The following KLHL35 variants were observed in gnomAD, a reference collection of about 807,000 sequenced individuals.
KLHL35 encodes the protein kelch-like protein 35.
KLHL35 carries 50 observed loss-of-function variants against 44.0 expected under a neutral mutation model. The observed-to-expected ratio is 1.14, with a 90% CI of 0.91 to 1.44. The LOEUF (loss-of-function observed/expected upper bound fraction) is 1.44. KLHL35 is among the 40% of genes most tolerant of loss of function. The probability of loss-of-function intolerance (pLI) is 0.00; values close to 1 mark genes in which losing one functional copy is unlikely to be tolerated. For synonymous variants in KLHL35, 470 were observed against 410.4 expected (o/e 1.15, Z -1.76); for missense variants, 1,049 against 887.8 (o/e 1.18, Z -2.31).
At position 75,429,746 on chromosome 11, in the gene KLHL35, T is replaced by G; in HGVS notation, c.881+3A>C. 1 of 1,455,468 alleles carries G rather than the reference T, an allele frequency of 6.9e-7. No individual in the cohort carries two copies. The highest frequency in any genetic ancestry group is 9.0e-7 in the Non-Finnish European group (1 of 1,111,270). The allele number at this position is 1,455,468 out of a possible 1,614,324, so 90.2% of individuals were successfully genotyped here. ...GCGGGAAGCTAGGGGATGGCGGCCCTACCTCCGCGGCCGGGTCCGCAGCGC... is the reference window on the plus strand; with the variant it reads ...GCGGGAAGCTAGGGGATGGCGGCCCGACCTCCGCGGCCGGGTCCGCAGCGC... On this transcript the variant is annotated splice_donor_region_variant and intron_variant, in intron 2 of 6. Transcript: ENST00000539798.
chr11:75,427,995 G>A (rs928696678), intron 3 of KLHL35, among the ~76,000 whole-genome samples: 6 of 152,184 alleles, frequency 3.9e-5, no homozygotes, highest in African/African-American at 1.4e-4. Context: ...TTGAGCCTTA[G>A]GGAGGACACA....
In KLHL35 at chr11:75,422,638, A is replaced by C; in HGVS notation, c.1694T>G (p.Leu565Arg). The C allele has an allele frequency of 6.2e-7, 1 of 1,614,010 alleles. No individual in the cohort carries two copies. The highest frequency in any genetic ancestry group is 2.2e-5 in the East Asian group (1 of 44,882). Residue 565 changes from leucine to arginine, a missense_variant, in exon 7 of 7, where the codon CTG (leucine) becomes CGG (arginine). Coordinates refer to ENST00000539798, the MANE Select transcript of KLHL35 (RefSeq NM_001039548.3). ...SSGQVEVQPS[L>R]QRCTSSHGCV... is the part of the protein sequence containing the mutation. ...GCCGTGGGAGCTGGTGCAGCGCTGCAGGGATGGCTGGACCTCCACCTGCCC... is the reference window on the plus strand; with the variant it reads ...GCCGTGGGAGCTGGTGCAGCGCTGCCGGGATGGCTGGACCTCCACCTGCCC...
At position 75,422,425 on chromosome 11, in the gene KLHL35, G is replaced by A. The variant is rs537502003; in HGVS notation, c.*155C>T. 2.1e-4 allele frequency: 141 copies of A among 666,936 alleles called. No homozygotes were observed. The African/African-American group carries it at 2.4e-3, about 11-fold the overall frequency. The allele number at this position is 666,936 out of a possible 1,614,324, so 41.3% of individuals were successfully genotyped here. A position where few individuals can be genotyped will look rare whatever the true frequency, so the allele number is the denominator to read the frequency against. On this transcript the variant is annotated 3_prime_UTR_variant, in exon 7 of 7. Coordinates refer to ENST00000539798, the MANE Select transcript of KLHL35 (RefSeq NM_001039548.3). ...ATTCCATCTCCAGGCAGGGCAGACT[G>A]CAGCTGGAACACAGACCCAACAAGA...
intron 6 of KLHL35, chr11:75,423,481 C>T (rs1045670546): frequency 3.5e-6 from 2 of 573,852 alleles, no homozygotes; most frequent in Admixed American, 6.2e-5. Context: ...TCTGCCTTAA[C>T]AGGGCCTAGT....
In KLHL35 at chr11:75,430,069, G is replaced by A. The variant is rs1334000887; in HGVS notation, c.561C>T (p.Arg187=). The A allele has an allele frequency of 4.3e-6, 6 of 1,393,010 alleles. No homozygotes were observed. The highest frequency in any genetic ancestry group is 6.1e-5 in the Admixed American group (2 of 32,666). The allele number at this position is 1,393,010 out of a possible 1,614,324, so 86.3% of individuals were successfully genotyped here. A position where few individuals can be genotyped will look rare whatever the true frequency, so the allele number is the denominator to read the frequency against. ...VLRQAFAEVA[R]HADFLELAPD... ...GCGCCAGCTCCAGGAAGTCGGCGTG[G>A]CGCGCCACCTCGGCGAAGGCCTGAC... Residue 187 remains arginine, a synonymous_variant, in exon 2 of 7, where the codon CGC becomes CGT. Coordinates refer to ENST00000539798, the MANE Select transcript of KLHL35 (RefSeq NM_001039548.3).
In KLHL35 at chr11:75,430,032, C is replaced by G. The variant is rs1329051115; in HGVS notation, c.598G>C (p.Val200Leu). The change falls in exon 2 of 7, where the codon GTG becomes CTG. Residue 200 changes from valine (V) to leucine (L), a missense_variant. Physicochemically the swap from Val to Leu is conservative, Grantham distance 32 (BLOSUM62 1). Coordinates refer to ENST00000539798, the MANE Select transcript of KLHL35 (RefSeq NM_001039548.3). ...DFLELAPDEVVALLADPALGV... is the reference protein window; with the variant it reads ...DFLELAPDEVLALLADPALGV... ...AGCGCGGGGTCCGCCAGCAGCGCCA[C>G]CACCTCGTCAGGCGCCAGCTCCAGG... 1 of 1,417,766 alleles carries G rather than the reference C, an allele frequency of 7.1e-7. No individual in the cohort carries two copies. The highest frequency in any genetic ancestry group is 3.1e-5 in the East Asian group (1 of 31,914). 87.8% of individuals were successfully genotyped at this position (1,417,766 alleles called of 1,614,324 possible). A position where few individuals can be genotyped will look rare whatever the true frequency, so the allele number is the denominator to read the frequency against.
intron 5 of KLHL35, 92 bp downstream of exon 5, chr11:75,425,301 G>A: frequency 4.5e-6 from 6 of 1,324,682 alleles, no homozygotes; most frequent in East Asian, 2.8e-5. Flanking sequence ...GTGAATAAAT[G>A]GACAAGGGCA....
At chr11:75,431,675 T>G (rs1948538359) in intron 1 of KLHL35, among the ~76,000 whole-genome samples, 1 of 152,176 alleles carries the variant, frequency 6.6e-6, no homozygotes, top group Non-Finnish European at 1.5e-5. Flanking sequence ...AGGCTTACGG[T>G]GTGGCCGGGG....
intron 5 of KLHL35, chr11:75,424,157 C>A (rs1284877871): frequency 2.5e-6 from 1 of 405,276 alleles, no homozygotes; most frequent in Non-Finnish European, 4.4e-6. Flanking sequence ...GCCACCCCAT[C>A]CTTAAAGGTC....
At chr11:75,424,184 CT>C in intron 5 of KLHL35, 1 of 346,428 alleles carries the variant, frequency 2.9e-6, no homozygotes, top group South Asian at 4.6e-5. Context: ...GTGTTCCCCC[CT>C]CCCCTCACCC....
At chr11:75,430,740 C>G (rs977406049) in intron 1 of KLHL35, 110 bp from the exon 2 acceptor site, 9 of 965,118 alleles carry the variant, frequency 9.3e-6, no homozygotes, top group Non-Finnish European at 1.1e-5. Context: ...TTCAGCGACT[C>G]TCCCCTCCGT....
intron 6 of KLHL35, 82 bp from the exon 7 acceptor site, chr11:75,422,850 A>C: frequency 7.8e-7 from 1 of 1,282,390 alleles, no homozygotes; most frequent in Non-Finnish European, 1.1e-6. Flanking sequence ...AGATAATAGA[A>C]CCTTGACCCA....
chr11:75,428,656 GGGCC>G, intron 2 of KLHL35, 30 bp from the exon 3 acceptor site: 1 of 1,533,782 alleles, frequency 6.5e-7, no homozygotes, highest in Non-Finnish European at 8.8e-7. Context: ...AGTGCCTGTT[GGGCC>G]GCACCCAAGT....
At chr11:75,424,558 C>G (rs1017373669) in intron 5 of KLHL35, 1 of 152,868 alleles carries the variant, frequency 6.5e-6, no homozygotes, top group Non-Finnish European at 1.5e-5. Context: ...CCCCCTCCCC[C>G]CACAGCAGCC....
At chr11:75,428,349 C>T in intron 3 of KLHL35, 93 bp downstream of exon 3, 1 of 1,416,714 alleles carries the variant, frequency 7.1e-7, no homozygotes, top group Non-Finnish European at 9.6e-7. Flanking sequence ...ACATCCCGCC[C>T]CTCTCTCCCG....
In KLHL35 at chr11:75,428,244, T is replaced by C. The variant is rs116089410; in HGVS notation, c.1066+198A>G. On this transcript the variant is annotated intron_variant, in intron 3 of 6. Coordinates refer to ENST00000539798, the MANE Select transcript of KLHL35 (RefSeq NM_001039548.3). ...GAAGCCGGTTCAGAACAAAAAGTAA[T>C]CATATGTATTGAAGTTAACATTCCT... Among the ~76,000 whole-genome samples the C allele has an allele frequency of 6.0e-3, 920 of 152,322 alleles. 8 individuals are homozygous for C. The highest frequency in any genetic ancestry group is 0.021 in the African/African-American group (884 of 41,554).
At position 75,430,219 on chromosome 11, in the gene KLHL35, G is replaced by T; in HGVS notation, c.411C>A (p.Gly137=). The change falls in exon 2 of 7, where the codon GGC becomes GGA. Residue 137 remains glycine, a synonymous_variant. Transcript: ENST00000539798. The part of the protein sequence containing the change: ...LALAERLGVA[G]LREACVRFLE... ...GAAAGCGCACGCAGGCCTCGCGCAG[G>T]CCCGCCACGCCCAGCCGCTCCGCCA... 4.9e-6 allele frequency: 6 copies of T among 1,221,884 alleles called. No homozygotes were observed. The South Asian group carries it at 1.5e-4, about 31-fold the overall frequency. 75.7% of individuals were successfully genotyped at this position (1,221,884 alleles called of 1,614,324 possible).
At chr11:75,425,990 C>G (rs1278097323) in intron 4 of KLHL35, 2 of 161,030 alleles carry the variant, frequency 1.2e-5, no homozygotes, top group African/African-American at 2.4e-5. Flanking sequence ...AAGTCTCGCT[C>G]TGTTGCCCAG....
chr11:75,425,622 C>T (rs996713622), intron 4 of KLHL35, 41 bp from the exon 5 acceptor site: 6 of 1,416,540 alleles, frequency 4.2e-6, no homozygotes, highest in Non-Finnish European at 5.5e-6. Context: ...GGTGCCAGGG[C>T]CTTAGGGCCC....
Sources: gnomAD v4.1 joint callset for allele counts (sites outside exome capture counted in the v4.1 genomes callset) on GRCh38, gnomAD v4.1.1 for gene constraint, MANE v1.5 for transcripts, NCBI Gene and HGNC (gene_info 2026-07-23, HGNC 2026-07-21) for gene names.